SHQ1: variants seen among roughly 807,000 people sequenced by gnomAD.
SHQ1 encodes SHQ1, H/ACA ribonucleoprotein assembly factor.
Under a neutral mutation model 53.8 loss-of-function variants are expected in SHQ1, and 49 were observed. That is an observed-to-expected ratio of 0.91 (90% confidence interval 0.72 to 1.16). SHQ1 has a LOEUF of 1.16. Among genes scored for constraint, SHQ1 ranks in the 50% most tolerant of loss-of-function variants. SHQ1 has a pLI of 0.00. For missense variants in SHQ1, 738 were observed against 683.1 expected, an observed-to-expected ratio of 1.08 and a Z score of -0.90; for synonymous variants, 243 against 251.0, an observed-to-expected ratio of 0.97 and a Z score of 0.30.
At position 72,751,508 on chromosome 3, in the gene SHQ1, G is replaced by GACA. The variant is rs1705374367; in HGVS notation, c.1182-673_1182-672insTGT. ...TGTGTGTGTGTGTGTGTGTGTGTGT[G>GACA]TATATATATATATATATATATACAT... is the stretch of plus-strand genomic sequence containing the variant. On this transcript the variant is annotated intron_variant, in intron 10 of 10. Transcript: ENST00000325599. Among the ~76,000 whole-genome samples the GACA allele has an allele frequency of 9.5e-4, 111 of 116,986 alleles. 7 individuals carry two copies. The highest frequency in any genetic ancestry group is 1.4e-3 in the South Asian group (6 of 4,268). 76.7% of individuals were successfully genotyped at this position (116,986 alleles called of 152,430 possible).
intron 1 of SHQ1, among the ~76,000 whole-genome samples, chr3:72,846,732 A>G (rs1199311319): frequency 6.6e-6 from 1 of 152,220 alleles, no homozygotes; most frequent in Non-Finnish European, 1.5e-5. Context: ...TGACACAGGA[A>G]TTAGACCTTT....
At chr3:72,766,822 G>T (rs188192206) in intron 10 of SHQ1, among the ~76,000 whole-genome samples, 1 of 152,204 alleles carries the variant, frequency 6.6e-6, no homozygotes, top group African/African-American at 2.4e-5. Context: ...GAGGAAACCT[G>T]CTAGATAACT....
At chr3:72,786,125 G>A (rs1223631178) in intron 10 of SHQ1, among the ~76,000 whole-genome samples, 1 of 152,104 alleles carries the variant, frequency 6.6e-6, no homozygotes, top group Admixed American at 6.6e-5. Context: ...CAATTACTAA[G>A]TCTGTCTCAC....
At chr3:72,836,203 C>G (rs1174390368) in intron 4 of SHQ1, among the ~76,000 whole-genome samples, 1 of 152,200 alleles carries the variant, frequency 6.6e-6, no homozygotes, top group African/African-American at 2.4e-5. Flanking sequence ...AAGAAAGCAG[C>G]TCTTGGACAG....
At chr3:72,743,022 G>A in the SHQ1 span, among the ~76,000 whole-genome samples, 1 of 152,284 alleles carries the variant, frequency 6.6e-6, no homozygotes, top group East Asian at 1.9e-4. Context: ...GGCATTAACA[G>A]GCTTTTATGA....
intron 10 of SHQ1, chr3:72,773,501 A>G (rs868235046): frequency 8.7e-5 from 23 of 263,284 alleles, no homozygotes; most frequent in Middle Eastern, 2.9e-3. Context: ...AAAAAAAGAA[A>G]AAAAAGAACT....
chr3:72,786,103 G>C (rs937009824), intron 10 of SHQ1, among the ~76,000 whole-genome samples: 3 of 152,092 alleles, frequency 2.0e-5, no homozygotes, highest in African/African-American at 7.2e-5. Flanking sequence ...CTCTCTCCCA[G>C]CAGCATCCAA....
At chr3:72,770,351 A>G (rs1333228668) in intron 10 of SHQ1, among the ~76,000 whole-genome samples, 1 of 152,134 alleles carries the variant, frequency 6.6e-6, no homozygotes, top group Non-Finnish European at 1.5e-5. Context: ...TCTTAACCAT[A>G]ATACTCTATG....
intron 6 of SHQ1, among the ~76,000 whole-genome samples, chr3:72,821,384 C>G (rs895387743): frequency 6.6e-6 from 1 of 152,184 alleles, no homozygotes; most frequent in Admixed American, 6.5e-5. Flanking sequence ...GAAACCAGAG[C>G]TCAGGGGAAG....
the SHQ1 span, among the ~76,000 whole-genome samples, chr3:72,736,438 C>T: frequency 8.6e-5 from 13 of 151,704 alleles, no homozygotes; most frequent in Admixed American, 5.9e-4. Flanking sequence ...ACCTACATAA[C>T]AAAAGAGAAA....
chr3:72,775,437 T>C (rs191484987), intron 10 of SHQ1, among the ~76,000 whole-genome samples: 1 of 138,172 alleles, frequency 7.2e-6, no homozygotes, highest in East Asian at 2.2e-4. Context: ...AATTTTCCCA[T>C]AAAGAAAGAA....
the SHQ1 span, among the ~76,000 whole-genome samples, chr3:72,733,707 G>C: frequency 1.3e-3 from 197 of 151,754 alleles, 4 homozygotes; most frequent in African/African-American, 4.4e-3. Context: ...CTGGTAGGCG[G>C]TAAATCCCAA....
the SHQ1 span, among the ~76,000 whole-genome samples, chr3:72,738,425 A>C: frequency 1.3e-5 from 2 of 152,122 alleles, no homozygotes; most frequent in Admixed American, 6.6e-5. Context: ...GTGAAGCTTC[A>C]ATGTGCCCCG....
rs1017480996 is a variant in SHQ1 at position 72,750,956 on chromosome 3, T to C, written c.1182-120A>G. On this transcript the variant is annotated intron_variant, in intron 10 of 10. Coordinates refer to ENST00000325599, the MANE Select transcript of SHQ1 (RefSeq NM_018130.3). Reference sequence around the variant, plus strand: ...ATATTTTAAATGGCACACCAGGATATATATCATAACAGATCCAAGATATTT... The same window carrying C: ...ATATTTTAAATGGCACACCAGGATACATATCATAACAGATCCAAGATATTT... 1.1e-5 allele frequency: 8 copies of C among 745,598 alleles called. No homozygotes were observed. The East Asian group carries it at 1.6e-4, about 15-fold the overall frequency. 46.2% of individuals were successfully genotyped at this position (745,598 alleles called of 1,614,324 possible).
At chr3:72,728,169 A>T in the SHQ1 span, among the ~76,000 whole-genome samples, 1 of 152,144 alleles carries the variant, frequency 6.6e-6, no homozygotes, top group Non-Finnish European at 1.5e-5. Context: ...CACCTCCCAA[A>T]CAAAAGGATT....
chr3:72,755,089 G>C (rs538067926), intron 10 of SHQ1, among the ~76,000 whole-genome samples: 2 of 152,284 alleles, frequency 1.3e-5, no homozygotes, highest in Non-Finnish European at 1.5e-5. Flanking sequence ...AAAGTAACAA[G>C]TGTAACAGGC....
At chr3:72,751,504 G>GTATATATATATATA (rs1233066493) in intron 10 of SHQ1, among the ~76,000 whole-genome samples, 3 of 118,142 alleles carry the variant, frequency 2.5e-5, no homozygotes, top group African/African-American at 1.3e-4. Flanking sequence ...GTGTGTGTGT[G>GTATATATATATATA]TGTGTATATA....
intron 10 of SHQ1, among the ~76,000 whole-genome samples, chr3:72,779,728 T>C (rs529361200): frequency 6.6e-6 from 1 of 152,262 alleles, no homozygotes; most frequent in East Asian, 1.9e-4. Context: ...CCCCAAAAGA[T>C]AGAAAACGAA....
At chr3:72,844,006 C>G (rs1708255043) in intron 2 of SHQ1, among the ~76,000 whole-genome samples, 1 of 152,192 alleles carries the variant, frequency 6.6e-6, no homozygotes, top group African/African-American at 2.4e-5. Context: ...GAAAATTATA[C>G]CAGAAAGATT....
Sources: gnomAD v4.1 joint callset for allele counts (sites outside exome capture counted in the v4.1 genomes callset) on GRCh38, gnomAD v4.1.1 for gene constraint, MANE v1.5 for transcripts, NCBI Gene and HGNC (gene_info 2026-07-23, HGNC 2026-07-21) for gene names.